Variants in KAZN observed in about 807,000 individuals in gnomAD.
The protein encoded by KAZN is kazrin, periplakin interacting protein.
Under a neutral mutation model 87.4 loss-of-function variants are expected in KAZN, and 40 were observed. The observed-to-expected ratio is 0.46, with a 90% CI of 0.36 to 0.60. The LOEUF is 0.60. Among genes scored for constraint, KAZN ranks in the 20% least tolerant of loss-of-function variants. KAZN has a pLI of 0.00. For missense variants in KAZN, 898 were observed against 1,073.9 expected, an observed-to-expected ratio of 0.84 and a Z score of 2.29; for synonymous variants, 466 against 458.3, an observed-to-expected ratio of 1.02 and a Z score of -0.22.
chr1:14,926,415 T>C (rs1659174534), intron 1 of KAZN, among the ~76,000 whole-genome samples: 1 of 152,236 alleles, frequency 6.6e-6, no homozygotes, highest in African/African-American at 2.4e-5. Context: ...GGGTGGTTGT[T>C]ATTCCTGCAG....
intron 1 of KAZN, among the ~76,000 whole-genome samples, chr1:14,160,017 G>C (rs1205104368): frequency 3.9e-5 from 6 of 152,174 alleles, no homozygotes; most frequent in Non-Finnish European, 1.5e-5. Flanking sequence ...GAGGGAAGGG[G>C]TCTGTTTTGG....
chr1:14,923,992 A>C lies in KAZN; in HGVS notation c.227-36692A>C, dbSNP rs562516598. ...ACCGAGTGGCGGGGGCCGGGCGCAC[A>C]ACGGGGCGACGCGGCGGCGCTCCCC... On this transcript the variant is annotated intron_variant, in intron 1 of 14. Transcript: ENST00000376030. The surrounding 1 kb of genome is among the most constrained non-coding windows in gnomAD (Gnocchi z 4.2). 9.8e-4 allele frequency: 421 copies of C among 427,890 alleles called. 9 individuals carry two copies. In the Admixed American group the frequency reaches 0.027, roughly 27 times the overall value. The allele number at this position is 427,890 out of a possible 1,614,324, so 26.5% of individuals were successfully genotyped here. A position where few individuals can be genotyped will look rare whatever the true frequency, so the allele number is the denominator to read the frequency against.
chr1:14,055,873 G>A (rs988803122), intron 1 of KAZN, among the ~76,000 whole-genome samples: 7 of 152,186 alleles, frequency 4.6e-5, no homozygotes, highest in Non-Finnish European at 8.8e-5. Context: ...AATGTTAAAT[G>A]TCTCAATGTC....
intron 1 of KAZN, among the ~76,000 whole-genome samples, chr1:14,871,977 G>A (rs1024512371): frequency 6.6e-6 from 1 of 152,174 alleles, no homozygotes; most frequent in Non-Finnish European, 1.5e-5. Context: ...TCATCTGGGA[G>A]CTACCAGAAG....
intron 2 of KAZN, among the ~76,000 whole-genome samples, chr1:14,198,854 A>G (rs1348923350): frequency 6.6e-6 from 1 of 152,200 alleles, no homozygotes; most frequent in South Asian, 2.1e-4. Flanking sequence ...AGGGATGCCC[A>G]GAGAGGTTAA....
At chr1:14,380,751 T>C (rs1018824402) in intron 2 of KAZN, among the ~76,000 whole-genome samples, 1 of 151,944 alleles carries the variant, frequency 6.6e-6, no homozygotes, top group African/African-American at 2.4e-5. Flanking sequence ...AGGGCAAATC[T>C]AAAATTTATT....
intron 1 of KAZN, among the ~76,000 whole-genome samples, chr1:14,776,301 G>C (rs116737550): frequency 1.9e-3 from 290 of 152,352 alleles, no homozygotes; most frequent in African/African-American, 6.7e-3. Context: ...ACTGCACCTG[G>C]ACTCCGTTGT....
At chr1:14,162,216 A>G (rs1264168244) in intron 1 of KAZN, among the ~76,000 whole-genome samples, 1 of 152,230 alleles carries the variant, frequency 6.6e-6, no homozygotes, top group Non-Finnish European at 1.5e-5. Context: ...TTGCTGGTAG[A>G]ACTCTGGGGA....
intron 1 of KAZN, among the ~76,000 whole-genome samples, chr1:14,801,712 C>G (rs1646032064): frequency 6.7e-6 from 1 of 149,328 alleles, no homozygotes; most frequent in South Asian, 2.1e-4. Context: ...TGAGTGGAGT[C>G]TCGCTTTGTT....
At chr1:14,343,073 G>A (rs1291798531) in intron 2 of KAZN, among the ~76,000 whole-genome samples, 7 of 152,218 alleles carry the variant, frequency 4.6e-5, no homozygotes, top group Middle Eastern at 3.4e-3. Flanking sequence ...CCCGGGAGGC[G>A]GAGGTTGCAG....
At chr1:14,865,622 C>T (rs559504171) in intron 1 of KAZN, among the ~76,000 whole-genome samples, 4 of 152,292 alleles carry the variant, frequency 2.6e-5, no homozygotes, top group East Asian at 3.9e-4. Context: ...ATCCCTTCTA[C>T]GACCACCCTC....
intron 1 of KAZN, among the ~76,000 whole-genome samples, chr1:14,656,466 G>A (rs76866472): frequency 0.038 from 5,855 of 152,286 alleles, 152 homozygotes; most frequent in Middle Eastern, 0.071. Context: ...GAGTACTTAC[G>A]TGCCAGATGC....
At chr1:14,183,508 C>A (rs372815056) in intron 2 of KAZN, among the ~76,000 whole-genome samples, 1 of 152,116 alleles carries the variant, frequency 6.6e-6, no homozygotes, top group Non-Finnish European at 1.5e-5. Context: ...ATTTGAAACC[C>A]GATCTTGTGG....
intron 2 of KAZN, among the ~76,000 whole-genome samples, chr1:14,405,606 ATGTGTGTGTGTGTGTGTG>A (rs111850452): frequency 1.5e-5 from 2 of 136,218 alleles, no homozygotes; most frequent in African/African-American, 5.3e-5. Context: ...ACCCAATAAA[ATGTGTGTGTGTGTGTGTG>A]TGTGTGTGTG....
intron 1 of KAZN, among the ~76,000 whole-genome samples, chr1:14,730,901 A>G (rs1470559726): frequency 6.6e-6 from 1 of 152,154 alleles, no homozygotes; most frequent in African/African-American, 2.4e-5. Context: ...CTCTTGTGCC[A>G]GGGACTCCCA....
chr1:14,884,760 C>G (rs1557588211), intron 1 of KAZN, among the ~76,000 whole-genome samples: 1 of 152,206 alleles, frequency 6.6e-6, no homozygotes, highest in African/African-American at 2.4e-5. Context: ...TGCTGCTGGT[C>G]TGGGGATCAC....
chr1:13,963,308 T>C (rs1453388471), intron 1 of KAZN, among the ~76,000 whole-genome samples: 9 of 152,144 alleles, frequency 5.9e-5, no homozygotes, highest in Admixed American at 5.9e-4. Context: ...AGGGAAAGTA[T>C]GAATTTTTTA....
chr1:14,526,084 A>G (rs1232588348), intron 2 of KAZN, among the ~76,000 whole-genome samples: 2 of 152,208 alleles, frequency 1.3e-5, no homozygotes, highest in Non-Finnish European at 2.9e-5. Flanking sequence ...CTAAATCAAC[A>G]TTTATGATAC....
chr1:14,258,945 A>T (rs1019255362), intron 2 of KAZN, among the ~76,000 whole-genome samples: 1 of 152,216 alleles, frequency 6.6e-6, no homozygotes, highest in Non-Finnish European at 1.5e-5. Flanking sequence ...AACAAAAGCA[A>T]AATGCAGAGT....
Sources: gnomAD v4.1 joint callset for allele counts (sites outside exome capture counted in the v4.1 genomes callset) on GRCh38, gnomAD v4.1.1 for gene constraint, Gnocchi (gnomAD v3.1) non-coding constraint, MANE v1.5 for transcripts, NCBI Gene and HGNC (gene_info 2026-07-23, HGNC 2026-07-21) for gene names.